SND1: variants seen among roughly 807,000 people sequenced by gnomAD.
SND1 encodes the protein staphylococcal nuclease domain-containing protein 1.
A neutral mutation model predicts 121.7 loss-of-function variants in SND1; 38 were observed. The ratio of observed to expected loss-of-function variants is 0.31; its 90% CI spans 0.24 to 0.41. The LOEUF (loss-of-function observed/expected upper bound fraction) is 0.41. Ranked by LOEUF, SND1 falls within the 10% of genes least tolerant of loss-of-function variation. The probability of loss-of-function intolerance (pLI) is 1.00; values close to 1 mark genes in which losing one functional copy is unlikely to be tolerated. For synonymous variants in SND1, 401 were observed against 447.4 expected (o/e 0.90, Z 1.31); for missense variants, 868 against 1,184.6 (o/e 0.73, Z 3.92).
At chr7:127,913,304 A>G (rs1800499323) in intron 14 of SND1, among the ~76,000 whole-genome samples, 1 of 152,148 alleles carries the variant, frequency 6.6e-6, no homozygotes, top group Non-Finnish European at 1.5e-5. Context: ...TTCCTTGTTT[A>G]ACTGTGCCTT....
At position 128,092,222 on chromosome 7, in the gene SND1, G is replaced by T; in HGVS notation, c.*164G>T. On this transcript the variant is annotated 3_prime_UTR_variant, in exon 24 of 24. Coordinates refer to ENST00000354725, the MANE Select transcript of SND1 (RefSeq NM_014390.4). This position sits in a 1 kb window ranked among gnomAD's most constrained non-coding sequence, Gnocchi z 4.9. ...GGGGTGGCATCGGGGCTGCGGGGTG[G>T]GGACCCCAAGGCTTTCTGGGGCAGA... is the stretch of plus-strand genomic sequence containing the variant. The T allele has an allele frequency of 1.5e-6, 1 of 684,662 alleles. No individual in the cohort carries two copies. Among genetic ancestry groups the T allele is most frequent in the Non-Finnish European group, 2.5e-6 (1 of 404,584 alleles). The allele number at this position is 684,662 out of a possible 1,614,324, so 42.4% of individuals were successfully genotyped here.
chr7:127,674,987 G>C (rs1795591202), intron 1 of SND1, among the ~76,000 whole-genome samples: 1 of 152,208 alleles, frequency 6.6e-6, no homozygotes, highest in Non-Finnish European at 1.5e-5. Flanking sequence ...GATCACCTGA[G>C]GTCAGGAGTT....
chr7:127,889,428 G>A (rs539838784), intron 13 of SND1, among the ~76,000 whole-genome samples: 13 of 151,946 alleles, frequency 8.6e-5, no homozygotes, highest in African/African-American at 2.9e-4. Flanking sequence ...TACATAAGAT[G>A]TTTTGATACA....
intron 15 of SND1, among the ~76,000 whole-genome samples, chr7:127,931,454 G>A (rs1800954677): frequency 6.6e-6 from 1 of 152,224 alleles, no homozygotes; most frequent in Non-Finnish European, 1.5e-5. Flanking sequence ...TTTAAGGAGA[G>A]AAGCCATCTT....
intron 1 of SND1, among the ~76,000 whole-genome samples, chr7:127,678,213 C>G (rs806163): frequency 0.057 from 8,630 of 152,232 alleles, 691 homozygotes; most frequent in African/African-American, 0.18. Flanking sequence ...AATCCTTGCT[C>G]TGCTGTCAAT....
intron 16 of SND1, among the ~76,000 whole-genome samples, chr7:128,055,686 G>A (rs1793130461): frequency 6.6e-6 from 1 of 152,136 alleles, no homozygotes. Flanking sequence ...CTGTGCTGAG[G>A]GAAACTGAAG....
chr7:127,778,371 A>C (rs1002578367), intron 10 of SND1, among the ~76,000 whole-genome samples: 1 of 151,862 alleles, frequency 6.6e-6, no homozygotes, highest in Non-Finnish European at 1.5e-5. Flanking sequence ...CTAACTTTTC[A>C]TATTTTTAGT....
chr7:128,054,753 G>C (rs1469083771), intron 16 of SND1, among the ~76,000 whole-genome samples: 3 of 152,052 alleles, frequency 2.0e-5, no homozygotes, highest in Non-Finnish European at 2.9e-5. Context: ...TGCCTGCCTC[G>C]TGACCTACAA....
intron 1 of SND1, among the ~76,000 whole-genome samples, chr7:127,672,937 A>G (rs1795548796): frequency 6.6e-6 from 1 of 152,066 alleles, no homozygotes; most frequent in Non-Finnish European, 1.5e-5. Flanking sequence ...GAGGCACACC[A>G]TGTCACTGTC....
At chr7:127,962,587 A>G (rs1801758561) in intron 15 of SND1, among the ~76,000 whole-genome samples, 1 of 152,148 alleles carries the variant, frequency 6.6e-6, no homozygotes, top group African/African-American at 2.4e-5. Flanking sequence ...TATGTTTCTT[A>G]CCATTTTTCT....
intron 10 of SND1, among the ~76,000 whole-genome samples, chr7:127,775,923 G>A (rs1160305139): frequency 6.6e-6 from 1 of 152,070 alleles, no homozygotes; most frequent in Non-Finnish European, 1.5e-5. Flanking sequence ...CACACACTTT[G>A]CATATGTATT....
At chr7:127,878,268 C>T (rs908629042) in intron 12 of SND1, among the ~76,000 whole-genome samples, 8 of 152,168 alleles carry the variant, frequency 5.3e-5, no homozygotes, top group East Asian at 1.9e-4. Context: ...GTTGTATTTA[C>T]GATCACAGAC....
At chr7:127,886,593 C>G (rs2116728770) in intron 12 of SND1, among the ~76,000 whole-genome samples, 1 of 152,206 alleles carries the variant, frequency 6.6e-6, no homozygotes, top group East Asian at 1.9e-4. Context: ...ACATAACCAC[C>G]ATTCTCCCTC....
intron 13 of SND1, among the ~76,000 whole-genome samples, chr7:127,898,507 C>T (rs1053943767): frequency 3.9e-5 from 6 of 152,038 alleles, no homozygotes; most frequent in Non-Finnish European, 8.8e-5. Context: ...GGAGAAAGGC[C>T]GAAGGAATTG....
At chr7:127,833,260 CTTTTTTTT>C (rs35890438) in intron 11 of SND1, among the ~76,000 whole-genome samples, 1 of 97,314 alleles carries the variant, frequency 1.0e-5, no homozygotes, top group Non-Finnish European at 2.1e-5. Flanking sequence ...ATTGAACTGT[CTTTTTTTT>C]TTTTTTTTTT....
At chr7:127,889,755 A>G (rs895137764) in intron 13 of SND1, among the ~76,000 whole-genome samples, 1 of 152,028 alleles carries the variant, frequency 6.6e-6, no homozygotes, top group South Asian at 2.1e-4. Context: ...GATCTCACAT[A>G]TAAGTCAGAA....
At chr7:127,815,614 A>G (rs1464081090) in intron 11 of SND1, among the ~76,000 whole-genome samples, 1 of 152,168 alleles carries the variant, frequency 6.6e-6, no homozygotes, top group South Asian at 2.1e-4. Flanking sequence ...GGTTTTAGCT[A>G]CAAGCCAGGA....
Position 127,686,780 on chromosome 7 carries a change from C to G in SND1, c.228+18C>G. On this transcript the variant is annotated intron_variant, in intron 2 of 23. Transcript: ENST00000354725. Reference sequence around the variant, plus strand: ...CTGATGAGGTAGGTGTTTCCTGAGGCCATCGTGAGCCTGTGGACCTAGGTA... The same window carrying G: ...CTGATGAGGTAGGTGTTTCCTGAGGGCATCGTGAGCCTGTGGACCTAGGTA... 6.2e-7 allele frequency: 1 copy of G among 1,604,768 alleles called. No homozygotes were observed. The highest frequency in any genetic ancestry group is 1.1e-5 in the South Asian group (1 of 90,674).
chr7:127,859,123 T>TGG (rs200044497), intron 12 of SND1, among the ~76,000 whole-genome samples: 1 of 152,082 alleles, frequency 6.6e-6, no homozygotes, highest in African/African-American at 2.4e-5. Flanking sequence ...TGTGTTTGCA[T>TGG]GGGGGGGTGG....
Sources: allele counts gnomAD v4.1 joint callset (sites outside exome capture counted in the v4.1 genomes callset), GRCh38; gene constraint gnomAD v4.1.1; non-coding constraint Gnocchi (gnomAD v3.1); transcripts MANE v1.5; gene names NCBI Gene and HGNC (gene_info 2026-07-23, HGNC 2026-07-21).